Variants in HABP2 observed in about 807,000 individuals in gnomAD.
HABP2 encodes the protein hyaluronan binding protein 2, also known as factor VII-activating protease.
Under a neutral mutation model 66.5 loss-of-function variants are expected in HABP2, and 65 were observed. The ratio of observed to expected loss-of-function variants is 0.98; its 90% confidence interval spans 0.80 to 1.20. The LOEUF is 1.20. Among genes scored for constraint, HABP2 ranks in the 50% most tolerant of loss-of-function variants. The pLI is 0.00. For synonymous variants in HABP2, 263 were observed against 253.9 expected, an observed-to-expected ratio of 1.04 and a Z score of -0.34; for missense variants, 786 against 691.0, an observed-to-expected ratio of 1.14 and a Z score of -1.54.
intron 2 of HABP2, among the ~76,000 whole-genome samples, chr10:113,572,985 G>C (rs989159882): frequency 6.6e-6 from 1 of 152,210 alleles, no homozygotes; most frequent in South Asian, 2.1e-4. Context: ...TGAGAGACGA[G>C]TAAGATAATG....
At chr10:113,576,986 A>C (rs1228707445) in intron 4 of HABP2, among the ~76,000 whole-genome samples, 164 bp from the exon 5 acceptor site, 2 of 152,214 alleles carry the variant, frequency 1.3e-5, no homozygotes, top group East Asian at 3.9e-4. Flanking sequence ...TCCATGACCC[A>C]AAAATTAGAC....
rs374200107 is a variant in HABP2, at chr10:113,577,279, G to T, written c.448+13G>T. The T allele has an allele frequency of 2.5e-5, 34 of 1,362,972 alleles. No individual in the cohort carries two copies. The highest frequency in any genetic ancestry group is 3.5e-5 in the Non-Finnish European group (33 of 950,958). 84.4% of individuals were successfully genotyped at this position (1,362,972 alleles called of 1,614,324 possible). A position where few individuals can be genotyped will look rare whatever the true frequency, so the allele number is the denominator to read the frequency against. On this transcript the variant is annotated intron_variant, in intron 5 of 12. Coordinates refer to ENST00000351270, the MANE Select transcript of HABP2 (RefSeq NM_004132.5). Reference sequence around the variant, plus strand: ...AGCTGCTCCCAAGGTAAGTGGTGGAGGCCCCTTCGACGCTAGACTTTCTGT... The same window carrying T: ...AGCTGCTCCCAAGGTAAGTGGTGGATGCCCCTTCGACGCTAGACTTTCTGT...
chr10:113,587,968 G>T (rs919767807), intron 12 of HABP2, among the ~76,000 whole-genome samples: 1 of 151,840 alleles, frequency 6.6e-6, no homozygotes. Flanking sequence ...GCAGCTGTGC[G>T]GCTCCTCTGT....
At chr10:113,588,152 T>C in intron 12 of HABP2, 53 bp from the exon 13 acceptor site, 1 of 1,448,690 alleles carries the variant, frequency 6.9e-7, no homozygotes, top group Non-Finnish European at 9.4e-7. Context: ...GGTGGGGGCA[T>C]CTCCAGATGT....
In HABP2 at chr10:113,589,103, A is replaced by G. The variant is rs1370115232; in HGVS notation, c.*734A>G. On this transcript the variant is annotated 3_prime_UTR_variant, in exon 13 of 13. Transcript: ENST00000351270. ...CGCTGCTGAAATCAAACATACCCCA[A>G]GTTAAAATGAAGCTCCCCCACCCCC... 3 of 1,600,824 alleles carry G rather than the reference A, an allele frequency of 1.9e-6. No individual in the cohort carries two copies. Among genetic ancestry groups the G allele is most frequent in the African/African-American group, 1.3e-5 (1 of 74,628 alleles).
intron 1 of HABP2, 137 bp from the exon 2 acceptor site, chr10:113,567,352 C>A (rs530119165): frequency 1.4e-5 from 10 of 708,198 alleles, no homozygotes; most frequent in Non-Finnish European, 2.3e-5. Flanking sequence ...CTCCCTTCAA[C>A]CTCTAGCCCA....
At chr10:113,579,631 C>T (rs1448624358) in intron 7 of HABP2, among the ~76,000 whole-genome samples, 2 of 152,236 alleles carry the variant, frequency 1.3e-5, no homozygotes, top group Non-Finnish European at 2.9e-5. Context: ...TTTTCTGCTG[C>T]CTCCAGGCCA....
At chr10:113,580,511 G>A in intron 7 of HABP2, 84 bp from the exon 8 acceptor site, 1 of 773,498 alleles carries the variant, frequency 1.3e-6, no homozygotes, top group South Asian at 1.5e-5. Flanking sequence ...CAAGAGTCTA[G>A]CACCTTCTTA....
At chr10:113,586,128 C>T (rs1303648558) in intron 12 of HABP2, among the ~76,000 whole-genome samples, 190 bp downstream of exon 12, 3 of 152,250 alleles carry the variant, frequency 2.0e-5, no homozygotes, top group Admixed American at 6.5e-5. Context: ...CAGGATGACT[C>T]AGCATAATGA....
intron 1 of HABP2, among the ~76,000 whole-genome samples, chr10:113,554,208 C>T (rs1844950211): frequency 6.6e-6 from 1 of 152,192 alleles, no homozygotes. Flanking sequence ...CAAGAATGAA[C>T]ACAACTTCTC....
At chr10:113,567,368 A>G (rs905514195) in intron 1 of HABP2, 121 bp from the exon 2 acceptor site, 8 of 757,622 alleles carry the variant, frequency 1.1e-5, no homozygotes, top group African/African-American at 3.4e-5. Flanking sequence ...GCCCAGCCAC[A>G]ACCATCAGAA....
chr10:113,556,804 C>CTTT (rs66685949), intron 1 of HABP2, among the ~76,000 whole-genome samples: 102 of 105,068 alleles, frequency 9.7e-4, no homozygotes, highest in Non-Finnish European at 1.5e-3. Flanking sequence ...TTCTTTTATT[C>CTTT]TTTTTTTTTT....
At chr10:113,574,510 T>A (rs1845373606) in intron 3 of HABP2, 105 bp downstream of exon 3, 1 of 648,076 alleles carries the variant, frequency 1.5e-6, no homozygotes, top group African/African-American at 1.8e-5. Context: ...TGGCCAGTAT[T>A]GTGAAATAGC....
chr10:113,576,406 C>T (rs770604997), intron 4 of HABP2, among the ~76,000 whole-genome samples: 4 of 152,152 alleles, frequency 2.6e-5, no homozygotes, highest in Non-Finnish European at 5.9e-5. Flanking sequence ...AGAGTGGGGG[C>T]ATTTGATCAA....
chr10:113,575,952 C>T lies in HABP2; in HGVS notation c.279C>T (p.Ser93=), dbSNP rs774203691. 1 of 1,612,122 alleles carries T rather than the reference C, an allele frequency of 6.2e-7. No individual in the cohort carries two copies. The highest frequency in any genetic ancestry group is 1.3e-5 in the African/African-American group (1 of 74,896). The part of the protein sequence containing the change: ...EHGGDCLVHG[S]TFTCSCLAPF... ...GTGGGGACTGCCTCGTCCATGGGAG[C>T]ACCTTCACATGCAGCTGCCTGGCTC... is the stretch of plus-strand genomic sequence containing the variant. Residue 93 remains serine, a synonymous_variant, in exon 4 of 13, where the codon AGC becomes AGT. Coordinates refer to ENST00000351270, the MANE Select transcript of HABP2 (RefSeq NM_004132.5).
At chr10:113,579,307 G>A (rs1845476137) in intron 7 of HABP2, among the ~76,000 whole-genome samples, 1 of 152,106 alleles carries the variant, frequency 6.6e-6, no homozygotes, top group East Asian at 1.9e-4. Context: ...CATGTGTCAT[G>A]TGGGTTGGTG....
At position 113,578,742 on chromosome 10, in the gene HABP2, C is replaced by T. The variant is rs1212474495; in HGVS notation, c.684C>T (p.Tyr228=). ...CCCACCTCCTCTTGCAGGAGAATTA[C>T]AACATGTTTATGGAGGATGCTGAAA... is the stretch of plus-strand genomic sequence containing the variant. ...WNSHLLLQEN[Y]NMFMEDAETH... Residue 228 remains tyrosine (Y), a synonymous_variant, in exon 7 of 13, where the codon TAC becomes TAT. Coordinates refer to ENST00000351270, the MANE Select transcript of HABP2 (RefSeq NM_004132.5). 1 of 1,611,746 alleles carries T rather than the reference C, an allele frequency of 6.2e-7. No homozygotes were observed. The highest frequency in any genetic ancestry group is 1.1e-5 in the South Asian group (1 of 91,014).
At chr10:113,551,151 C>T (rs1037229230), upstream of HABP2, among the ~76,000 whole-genome samples, 9 of 152,230 alleles carry the variant, frequency 5.9e-5, no homozygotes, top group Non-Finnish European at 1.2e-4. Context: ...TTGTTCATTT[C>T]ATCCAACATA....
rs771941760 is a variant in HABP2 at position 113,588,231 on chromosome 10, T to A, written c.1545T>A (p.Cys515Ter). 1 of 1,611,810 alleles carries A rather than the reference T, an allele frequency of 6.2e-7. No individual in the cohort carries two copies. The highest frequency in any genetic ancestry group is 8.5e-7 in the Non-Finnish European group (1 of 1,178,924). ...GTGACTCTGGAGGCCCCCTGACCTG[T>A]GAGAAGGACGGCACCTACTACGTCT... ...CQGDSGGPLT[C>*]EKDGTYYVYG... Residue 515 changes from cysteine (C) to a stop codon, truncating the protein, a stop_gained, in exon 13 of 13, where the codon TGT becomes TGA. Coordinates refer to ENST00000351270, the MANE Select transcript of HABP2 (RefSeq NM_004132.5). LOFTEE classifies it high-confidence loss of function.
Sources: gnomAD v4.1 joint callset for allele counts (sites outside exome capture counted in the v4.1 genomes callset) on GRCh38, gnomAD v4.1.1 for gene constraint, MANE v1.5 for transcripts, NCBI Gene and HGNC (gene_info 2026-07-23, HGNC 2026-07-21) for gene names.